PHF19: variants seen among roughly 807,000 people sequenced by gnomAD.
The protein encoded by PHF19 is polycomb like 3.
A neutral mutation model predicts 79.8 loss-of-function variants in PHF19; 21 were observed. The observed-to-expected ratio is 0.26, with a 90% CI of 0.19 to 0.38. The LOEUF is 0.38. PHF19 is among the 10% of genes least tolerant of loss of function. The pLI is 1.00. For synonymous variants in PHF19, 273 were observed against 296.3 expected (o/e 0.92, Z 0.81); for missense variants, 445 against 744.2 (o/e 0.60, Z 4.68).
chr9:120,861,365 C>T (rs1489865718), intron 12 of PHF19, among the ~76,000 whole-genome samples, 191 bp from the exon 13 acceptor site: 1 of 152,232 alleles, frequency 6.6e-6, no homozygotes, highest in Non-Finnish European at 1.5e-5. Flanking sequence ...TTGTCTCTAG[C>T]TGACTGTACG....
At position 120,866,796 on chromosome 9, in the gene PHF19, G is replaced by A; in HGVS notation, c.710+74C>T. Reference sequence around the variant, plus strand: ...TTGTCTGGAGCCTGGCAGTCAACCTGCAGGAGTTGTTGCTGCCATCCCTGC... The same window carrying A: ...TTGTCTGGAGCCTGGCAGTCAACCTACAGGAGTTGTTGCTGCCATCCCTGC... On this transcript the variant is annotated intron_variant, in intron 7 of 14. Coordinates refer to ENST00000373896, the MANE Select transcript of PHF19 (RefSeq NM_015651.3). The surrounding 1 kb of genome is among the most constrained non-coding windows in gnomAD (Gnocchi z 5.2). The A allele has an allele frequency of 3.7e-6, 3 of 804,474 alleles. No individual in the cohort carries two copies. In the South Asian group the frequency reaches 4.1e-5, roughly 11 times the overall value. 49.8% of individuals were successfully genotyped at this position (804,474 alleles called of 1,614,324 possible).
intron 12 of PHF19, among the ~76,000 whole-genome samples, chr9:120,861,477 A>G (rs2045522735): frequency 6.6e-6 from 1 of 152,188 alleles, no homozygotes; most frequent in South Asian, 2.1e-4. Context: ...AGTAAAATTA[A>G]ATAATGCTTC....
rs748610221 is a variant in PHF19, at chr9:120,866,108, T to C, written c.711-12A>G. ...AGAACAGGTAAAACCTGTGGGTGGG[T>C]AGAGACGGGGGCCTATGGTGGGAGG... On this transcript the variant is annotated splice_polypyrimidine_tract_variant and intron_variant, in intron 7 of 14. Coordinates refer to ENST00000373896, the MANE Select transcript of PHF19 (RefSeq NM_015651.3). This position sits in a 1 kb window ranked among gnomAD's most constrained non-coding sequence, Gnocchi z 5.2. The C allele has an allele frequency of 5.0e-6, 8 of 1,609,782 alleles. No homozygotes were observed. In the South Asian group the frequency reaches 5.5e-5, roughly 11 times the overall value.
chr9:120,869,956 G>A lies in PHF19; in HGVS notation c.365-11C>T, dbSNP rs1484065620. ...ACTGCTGGTGGTAACCTACGGCAGA[G>A]GAGGGGGCGGTGAGCGCCCACAAGG... On this transcript the variant is annotated splice_polypyrimidine_tract_variant and intron_variant, in intron 4 of 14. Transcript: ENST00000373896. This position sits in a 1 kb window ranked among gnomAD's most constrained non-coding sequence, Gnocchi z 5.8. 5.1e-6 allele frequency: 8 copies of A among 1,562,322 alleles called. No homozygotes were observed. The highest frequency in any genetic ancestry group is 1.2e-5 in the South Asian group (1 of 85,330).
the PHF19 span, among the ~76,000 whole-genome samples, chr9:120,902,064 G>T: frequency 1.3e-5 from 2 of 152,318 alleles, no homozygotes; most frequent in Admixed American, 1.3e-4. Context: ...CCCCTGAGAA[G>T]CTGATTGTCT....
chr9:120,882,301 CCTCT>C (rs1408881784), intron 1 of PHF19, among the ~76,000 whole-genome samples: 4 of 152,216 alleles, frequency 2.6e-5, no homozygotes, highest in African/African-American at 9.7e-5. Context: ...AGTGATCCAT[CCTCT>C]TCCTTCTGCT....
chr9:120,866,101 G>T lies in PHF19; in HGVS notation c.711-5C>A. On this transcript the variant is annotated splice_polypyrimidine_tract_variant and splice_region_variant and intron_variant, in intron 7 of 14. Coordinates refer to ENST00000373896, the MANE Select transcript of PHF19 (RefSeq NM_015651.3). The surrounding 1 kb of genome is among the most constrained non-coding windows in gnomAD (Gnocchi z 5.2). The stretch of plus-strand genomic sequence containing the variant: ...GAGCAGAAGAACAGGTAAAACCTGT[G>T]GGTGGGTAGAGACGGGGGCCTATGG... 2 of 1,611,436 alleles carry T rather than the reference G, an allele frequency of 1.2e-6. No homozygotes were observed. Among genetic ancestry groups the T allele is most frequent in the East Asian group, 4.5e-5 (2 of 44,864 alleles).
chr9:120,890,969 G>T (rs1157676875), intron 1 of PHF19, among the ~76,000 whole-genome samples: 1 of 152,068 alleles, frequency 6.6e-6, no homozygotes, highest in Non-Finnish European at 1.5e-5. Context: ...TTTAACCCAG[G>T]TGCGACAAAC....
At chr9:120,868,014 C>T (rs983760796) in intron 6 of PHF19, among the ~76,000 whole-genome samples, 14 of 152,188 alleles carry the variant, frequency 9.2e-5, no homozygotes, top group Non-Finnish European at 1.5e-5. Flanking sequence ...CCCGACATAG[C>T]ATGCCCCGCC....
Position 120,870,551 on chromosome 9 carries a change from G to T in PHF19, c.269-13C>A, listed in dbSNP as rs4836833. ...CCTGGAACACCGGCTGAAAGAGAGG[G>T]CCTCGAGGGTCGGGTCCAGCTCACA... On this transcript the variant is annotated splice_polypyrimidine_tract_variant and intron_variant, in intron 3 of 14. Transcript: ENST00000373896. The surrounding 1 kb of genome is among the most constrained non-coding windows in gnomAD (Gnocchi z 4.4). The T allele has an allele frequency of 3.3e-6, 5 of 1,532,680 alleles. No homozygotes were observed. Among genetic ancestry groups the T allele is most frequent in the Middle Eastern group, 1.7e-4 (1 of 5,912 alleles). The allele number at this position is 1,532,680 out of a possible 1,614,324, so 94.9% of individuals were successfully genotyped here. A position where few individuals can be genotyped will look rare whatever the true frequency, so the allele number is the denominator to read the frequency against.
upstream of PHF19, among the ~76,000 whole-genome samples, chr9:120,877,952 A>G (rs11794516): frequency 0.45 from 69,159 of 152,082 alleles, 18,161 homozygotes; most frequent in South Asian, 0.68. Context: ...CATAACACAT[A>G]AAGTCACAAC....
the PHF19 span, among the ~76,000 whole-genome samples, chr9:120,901,617 G>C: frequency 6.6e-5 from 10 of 152,192 alleles, no homozygotes; most frequent in Non-Finnish European, 1.3e-4. Context: ...CACCGTTGAG[G>C]GAAGGGGTTG....
chr9:120,876,767 C>G (rs1025033831), intron 1 of PHF19, among the ~76,000 whole-genome samples: 2 of 152,256 alleles, frequency 1.3e-5, no homozygotes, highest in Non-Finnish European at 2.9e-5. Context: ...CATCCCAACC[C>G]TGCCGCAGCC....
chr9:120,856,399 G>A lies in PHF19; in HGVS notation c.*1545C>T, dbSNP rs2045361606. 1 of 152,602 alleles carries A rather than the reference G, an allele frequency of 6.6e-6. No individual in the cohort carries two copies. Among genetic ancestry groups the A allele is most frequent in the African/African-American group, 2.4e-5 (1 of 41,468 alleles). 9.5% of individuals were successfully genotyped at this position (152,602 alleles called of 1,614,324 possible). A position where few individuals can be genotyped will look rare whatever the true frequency, so the allele number is the denominator to read the frequency against. On this transcript the variant is annotated 3_prime_UTR_variant, in exon 15 of 15. Coordinates refer to ENST00000373896, the MANE Select transcript of PHF19 (RefSeq NM_015651.3). ...TGCTGCCCCGCCAGTGCCTCTTGCT[G>A]TACTACCACCTTCGCCTTCCTGCTG...
chr9:120,880,028 A>G (rs1409954749), upstream of PHF19, among the ~76,000 whole-genome samples: 1 of 152,208 alleles, frequency 6.6e-6, no homozygotes, highest in Non-Finnish European at 1.5e-5. Context: ...AGGATGTCGC[A>G]CAGTTGGGAC....
chr9:120,860,876 G>A lies in PHF19; in HGVS notation c.1304+213C>T, dbSNP rs1241404868. The stretch of plus-strand genomic sequence containing the variant: ...GCAAGCATCAAACAGCATGGTGAGT[G>A]TGGATAACCATGGGGCAAGGTGGGG... On this transcript the variant is annotated intron_variant, in intron 13 of 14. Transcript: ENST00000373896. The surrounding 1 kb of genome is among the most constrained non-coding windows in gnomAD (Gnocchi z 4.1). 1.9e-6 allele frequency: 1 copy of A among 534,464 alleles called. No homozygotes were observed. Among genetic ancestry groups the A allele is most frequent in the Non-Finnish European group, 3.4e-6 (1 of 293,094 alleles). 33.1% of individuals were successfully genotyped at this position (534,464 alleles called of 1,614,324 possible). A position where few individuals can be genotyped will look rare whatever the true frequency, so the allele number is the denominator to read the frequency against.
In PHF19 at chr9:120,874,072, A is replaced by G. The variant is rs771885086; in HGVS notation, c.187-12T>C. The G allele has an allele frequency of 1.3e-6, 2 of 1,527,084 alleles. No individual in the cohort carries two copies. Among genetic ancestry groups the G allele is most frequent in the South Asian group, 2.3e-5 (2 of 88,332 alleles). The allele number at this position is 1,527,084 out of a possible 1,614,324, so 94.6% of individuals were successfully genotyped here. ...TTAGAGCTGCTGACCTGGGGTACAG[A>G]TAGGAAGGAGCAAGTGAGAAAGGGC... On this transcript the variant is annotated splice_polypyrimidine_tract_variant and intron_variant, in intron 2 of 14. Coordinates refer to ENST00000373896, the MANE Select transcript of PHF19 (RefSeq NM_015651.3). The surrounding 1 kb of genome is among the most constrained non-coding windows in gnomAD (Gnocchi z 4.5).
chr9:120,864,188 C>T, intron 9 of PHF19, 72 bp from the exon 10 acceptor site: 2 of 1,266,676 alleles, frequency 1.6e-6, no homozygotes, highest in Non-Finnish European at 2.3e-6. Flanking sequence ...GCCCCTACTC[C>T]CTCCCTTCCA....
chr9:120,893,651 G>T (rs576272721), intron 1 of PHF19, among the ~76,000 whole-genome samples: 45 of 152,296 alleles, frequency 3.0e-4, no homozygotes, highest in African/African-American at 1.0e-3. Flanking sequence ...GCATGCTTTA[G>T]AAAGCACACG....
Sources: gnomAD v4.1 joint callset for allele counts (sites outside exome capture counted in the v4.1 genomes callset) on GRCh38, gnomAD v4.1.1 for gene constraint, Gnocchi (gnomAD v3.1) non-coding constraint, MANE v1.5 for transcripts, NCBI Gene and HGNC (gene_info 2026-07-23, HGNC 2026-07-21) for gene names.